The following CDH13 variants were observed in gnomAD, a reference collection of about 807,000 sequenced individuals.
CDH13 encodes the protein cadherin-13.
A neutral mutation model predicts 63.8 loss-of-function variants in CDH13; 24 were observed. The ratio of observed to expected loss-of-function variants is 0.38; its 90% CI spans 0.27 to 0.53. The LOEUF (loss-of-function observed/expected upper bound fraction) is 0.53. CDH13 is among the 20% of genes least tolerant of loss of function. The probability of loss-of-function intolerance (pLI) is 0.85; values close to 1 mark genes in which losing one functional copy is unlikely to be tolerated. For synonymous variants in CDH13, 503 were observed against 355.3 expected, an observed-to-expected ratio of 1.42 and a Z score of -4.67; for missense variants, 1,049 against 903.1, an observed-to-expected ratio of 1.16 and a Z score of -2.07.
At chr16:82,880,117 G>A (rs1054219170) in intron 2 of CDH13, among the ~76,000 whole-genome samples, 20 of 151,454 alleles carry the variant, frequency 1.3e-4, no homozygotes, top group Admixed American at 6.6e-4. Context: ...AGCCATGTGA[G>A]CAAATGATAC....
chr16:83,412,334 C>T (rs558114717), intron 6 of CDH13, among the ~76,000 whole-genome samples: 9 of 152,226 alleles, frequency 5.9e-5, no homozygotes, highest in South Asian at 2.1e-4. Flanking sequence ...TGGTGGCAGA[C>T]GTCTGCAGGC....
At chr16:83,269,048 C>A (rs957394469) in intron 5 of CDH13, among the ~76,000 whole-genome samples, 3 of 152,190 alleles carry the variant, frequency 2.0e-5, no homozygotes, top group East Asian at 1.9e-4. Flanking sequence ...TGTAAAGACG[C>A]TTTTACTGTT....
chr16:83,059,757 T>G (rs1020468483), intron 3 of CDH13, among the ~76,000 whole-genome samples: 1 of 151,428 alleles, frequency 6.6e-6, no homozygotes, highest in Non-Finnish European at 1.5e-5. Context: ...CTAACTTTCT[T>G]AATCCAGACT....
chr16:83,051,372 A>G (rs181093485), intron 3 of CDH13, among the ~76,000 whole-genome samples: 1 of 152,220 alleles, frequency 6.6e-6, no homozygotes, highest in African/African-American at 2.4e-5. Flanking sequence ...TGAGGATCAG[A>G]TTAAGAGCTG....
chr16:83,748,119 A>T lies in CDH13; in HGVS notation c.1550A>T (p.Tyr517Phe). The T allele has an allele frequency of 1.9e-6, 3 of 1,613,870 alleles. No homozygotes were observed. The highest frequency in any genetic ancestry group is 1.7e-6 in the Non-Finnish European group (2 of 1,179,858). The change falls in exon 11 of 14, where the codon TAC becomes TTC. Residue 517 changes from tyrosine to phenylalanine, a missense_variant. Physicochemically the swap from Tyr to Phe is conservative, Grantham distance 22. Coordinates refer to ENST00000567109, the MANE Select transcript of CDH13 (RefSeq NM_001257.5). Reference protein sequence around the residue: ...LQHQTIRYSVYKDPAGWLNIN... With the variant: ...LQHQTIRYSVFKDPAGWLNIN... Reference sequence around the variant, plus strand: ...GGGATTTTTTTCAGGTATTCTGTTTACAAGGACCCAGCAGGTTGGCTGAAT... The same window carrying T: ...GGGATTTTTTTCAGGTATTCTGTTTTCAAGGACCCAGCAGGTTGGCTGAAT...
intron 2 of CDH13, among the ~76,000 whole-genome samples, chr16:83,031,024 G>A (rs1916258524): frequency 6.6e-6 from 1 of 151,664 alleles, no homozygotes; most frequent in Non-Finnish European, 1.5e-5. Flanking sequence ...ATGGTGGATA[G>A]GCAAGAAAAT....
intron 1 of CDH13, among the ~76,000 whole-genome samples, chr16:82,834,099 ATTT>A (rs2038662880): frequency 6.6e-6 from 1 of 152,124 alleles, no homozygotes; most frequent in African/African-American, 2.4e-5. Flanking sequence ...ATTGCTTTGT[ATTT>A]TTTATATTAA....
At chr16:83,042,443 C>T (rs180766925) in intron 3 of CDH13, among the ~76,000 whole-genome samples, 15 of 152,152 alleles carry the variant, frequency 9.9e-5, no homozygotes, top group African/African-American at 2.4e-4. Flanking sequence ...CTCCCATCAC[C>T]CCGAGACAGG....
At chr16:83,316,789 C>A (rs1221107954) in intron 5 of CDH13, among the ~76,000 whole-genome samples, 1 of 152,116 alleles carries the variant, frequency 6.6e-6, no homozygotes, top group African/African-American at 2.4e-5. Flanking sequence ...TGCTGTAAAA[C>A]AAACAACTTC....
intron 12 of CDH13, among the ~76,000 whole-genome samples, chr16:83,782,564 C>T (rs1246161955): frequency 4.6e-5 from 7 of 151,946 alleles, no homozygotes; most frequent in Admixed American, 1.3e-4. Context: ...GGTGAAACCC[C>T]ATCAGTACTA....
chr16:83,392,305 C>T (rs1277717028), intron 6 of CDH13, among the ~76,000 whole-genome samples: 6 of 152,116 alleles, frequency 3.9e-5, no homozygotes, highest in Non-Finnish European at 5.9e-5. Flanking sequence ...GCCTCCTTAG[C>T]GCCGTGCCTC....
intron 4 of CDH13, among the ~76,000 whole-genome samples, chr16:83,187,906 G>T (rs1597486244): frequency 6.6e-6 from 1 of 152,154 alleles, no homozygotes; most frequent in African/African-American, 2.4e-5. Flanking sequence ...CTGATGAACT[G>T]GGATGAGTGC....
chr16:83,088,281 T>C lies in CDH13; in HGVS notation c.367-37104T>C, dbSNP rs60205369. Among the ~76,000 whole-genome samples the C allele has an allele frequency of 3.7e-3, 563 of 152,302 alleles. 6 individuals are homozygous for C. Among genetic ancestry groups the C allele is most frequent in the African/African-American group, 0.013 (534 of 41,560 alleles). ...TGTTGAGTTTCATGGGTTTTGTGCT[T>C]CCCTGGTGCCTTATTAGGCTTATAA... On this transcript the variant is annotated intron_variant, in intron 3 of 13. Transcript: ENST00000567109.
chr16:83,337,394 G>C (rs1254680920), intron 5 of CDH13, among the ~76,000 whole-genome samples: 3 of 152,216 alleles, frequency 2.0e-5, no homozygotes, highest in Non-Finnish European at 4.4e-5. Flanking sequence ...TTCAGGAGTT[G>C]AGCCCCTTTT....
At chr16:83,096,167 A>G (rs1295288485) in intron 3 of CDH13, among the ~76,000 whole-genome samples, 2 of 152,240 alleles carry the variant, frequency 1.3e-5, no homozygotes, top group East Asian at 1.9e-4. Context: ...TGTACCAGCT[A>G]TCATTGCGTA....
At chr16:83,139,224 A>G (rs2036427934) in intron 4 of CDH13, among the ~76,000 whole-genome samples, 1 of 152,170 alleles carries the variant, frequency 6.6e-6, no homozygotes, top group East Asian at 1.9e-4. Flanking sequence ...TTCATTTTGC[A>G]CCAGTGACAG....
intron 5 of CDH13, among the ~76,000 whole-genome samples, chr16:83,318,698 C>A (rs2090157320): frequency 6.6e-6 from 1 of 152,086 alleles, no homozygotes; most frequent in South Asian, 2.1e-4. Flanking sequence ...GAGGGATTTG[C>A]TTGGTGGGTT....
chr16:83,024,529 T>C (rs1025384177), intron 2 of CDH13, among the ~76,000 whole-genome samples: 3 of 152,264 alleles, frequency 2.0e-5, no homozygotes, highest in Non-Finnish European at 4.4e-5. Context: ...CTCCCGAGTT[T>C]GGATTTGACC....
chr16:83,648,973 T>C (rs1231177818), intron 8 of CDH13, among the ~76,000 whole-genome samples: 1 of 152,236 alleles, frequency 6.6e-6, no homozygotes, highest in East Asian at 1.9e-4. Flanking sequence ...TACTATGCTA[T>C]CTGGCAATTC....
Sources: gnomAD v4.1 joint callset for allele counts (sites outside exome capture counted in the v4.1 genomes callset) on GRCh38, gnomAD v4.1.1 for gene constraint, MANE v1.5 for transcripts, NCBI Gene and HGNC (gene_info 2026-07-23, HGNC 2026-07-21) for gene names.